Variants in MED12L observed in about 807,000 individuals in gnomAD.
MED12L encodes the protein mediator of RNA polymerase II transcription subunit 12-like protein.
In MED12L, 60 loss-of-function variants were observed where a neutral mutation model predicts 281.3. The ratio of observed to expected loss-of-function variants is 0.21; its 90% CI spans 0.17 to 0.26. The LOEUF is 0.26. Ranked by LOEUF, MED12L falls within the 10% of genes least tolerant of loss-of-function variation. The pLI is 1.00. For synonymous variants in MED12L, 974 were observed against 987.2 expected (o/e 0.99, Z 0.25); for missense variants, 2,146 against 2,680.9 (o/e 0.80, Z 4.41).
chr3:151,424,798 C>T (rs1035901752), intron 43 of MED12L, among the ~76,000 whole-genome samples: 1 of 152,146 alleles, frequency 6.6e-6, no homozygotes, highest in Non-Finnish European at 1.5e-5. Context: ...CAACCCTATA[C>T]GTTGTTGTTC....
rs1225603820 is a variant in MED12L, at chr3:151,434,348, C to G, written c.*1544C>G. ...AAAGTTTGACTCATGCAAATGACCTCAAATACATGTCAGCTTACTTTGCTG... is the reference window on the plus strand; with the variant it reads ...AAAGTTTGACTCATGCAAATGACCTGAAATACATGTCAGCTTACTTTGCTG... On this transcript the variant is annotated 3_prime_UTR_variant, in exon 45 of 45. Coordinates refer to ENST00000687756, the MANE Select transcript of MED12L (RefSeq NM_001393769.1). The G allele has an allele frequency of 6.6e-6, 1 of 152,138 alleles. No individual in the cohort carries two copies. The highest frequency in any genetic ancestry group is 1.5e-5 in the Non-Finnish European group (1 of 68,028). The allele number at this position is 152,138 out of a possible 1,614,324, so 9.4% of individuals were successfully genotyped here.
chr3:151,244,472 A>G (rs1734913575), intron 16 of MED12L, among the ~76,000 whole-genome samples: 4 of 146,322 alleles, frequency 2.7e-5, no homozygotes, highest in Admixed American at 6.9e-5. Context: ...CTCACTCAAA[A>G]CCACTCAACT....
chr3:151,249,694 G>A (rs988686486), intron 16 of MED12L, among the ~76,000 whole-genome samples: 2 of 152,014 alleles, frequency 1.3e-5, no homozygotes, highest in African/African-American at 2.4e-5. Context: ...ATCATTCTTC[G>A]TATTACTCCT....
chr3:151,242,567 C>G (rs551649021), intron 16 of MED12L, among the ~76,000 whole-genome samples: 59 of 151,706 alleles, frequency 3.9e-4, no homozygotes, highest in South Asian at 1.7e-3. Context: ...CTGTCTGTTA[C>G]AAGGAAAACT....
intron 22 of MED12L, 65 bp downstream of exon 22, chr3:151,365,271 A>C: frequency 4.5e-6 from 6 of 1,347,118 alleles, no homozygotes; most frequent in Non-Finnish European, 6.4e-6. Flanking sequence ...CTTCTTTGAA[A>C]TTGATGTCGT....
chr3:151,200,121 G>A (rs1017299125), intron 16 of MED12L, among the ~76,000 whole-genome samples: 13 of 144,334 alleles, frequency 9.0e-5, no homozygotes, highest in Non-Finnish European at 1.7e-4. Flanking sequence ...TTCTTTCATT[G>A]TGGGTTTTGA....
intron 38 of MED12L, 136 bp from the exon 39 acceptor site, chr3:151,394,520 C>A: frequency 2.3e-6 from 3 of 1,308,996 alleles, no homozygotes; most frequent in Non-Finnish European, 3.1e-6. Flanking sequence ...ATATTTGTGG[C>A]AGGTGGGACA....
chr3:151,171,549 C>T (rs1721432532), intron 11 of MED12L, among the ~76,000 whole-genome samples: 1 of 152,166 alleles, frequency 6.6e-6, no homozygotes, highest in African/African-American at 2.4e-5. Flanking sequence ...TGTGTGTTTC[C>T]TCCTTCCCTG....
intron 16 of MED12L, among the ~76,000 whole-genome samples, chr3:151,277,260 T>C (rs1195356276): frequency 6.6e-6 from 1 of 152,008 alleles, no homozygotes; most frequent in East Asian, 1.9e-4. Flanking sequence ...TATATACCAA[T>C]GTGTTAATTG....
intron 16 of MED12L, among the ~76,000 whole-genome samples, chr3:151,251,997 CTG>C (rs1306123260): frequency 6.6e-6 from 1 of 152,106 alleles, no homozygotes; most frequent in East Asian, 1.9e-4. Context: ...TATTACATAA[CTG>C]TGTAATTTGT....
chr3:151,139,578 C>T (rs1376268011), intron 5 of MED12L, among the ~76,000 whole-genome samples: 1 of 152,164 alleles, frequency 6.6e-6, no homozygotes, highest in Non-Finnish European at 1.5e-5. Flanking sequence ...ATAGTATTAA[C>T]ATGGACTAGA....
At position 151,350,166 on chromosome 3, in the gene MED12L, C is replaced by T. The variant is rs569897717; in HGVS notation, c.2358C>T (p.Ile786=). Residue 786 remains isoleucine, a synonymous_variant, in exon 17 of 45, where the codon ATC becomes ATT. Coordinates refer to ENST00000687756, the MANE Select transcript of MED12L (RefSeq NM_001393769.1). ...RHQLKKITKD[I]LKILNKKSTT... ...AGCTGAAGAAGATTACCAAAGATAT[C>T]CTGAAAATTCTAAATAAGAAGAGCA... 7 of 1,613,596 alleles carry T rather than the reference C, an allele frequency of 4.3e-6. No homozygotes were observed. Among genetic ancestry groups the T allele is most frequent in the Non-Finnish European group, 5.9e-6 (7 of 1,179,736 alleles).
chr3:151,296,513 T>G (rs1745111165), intron 16 of MED12L, among the ~76,000 whole-genome samples: 2 of 152,274 alleles, frequency 1.3e-5, no homozygotes, highest in South Asian at 4.1e-4. Context: ...GGACTTTGGC[T>G]GGAGGAGTAC....
chr3:151,166,033 TTTC>T, intron 11 of MED12L, 51 bp downstream of exon 11: 3 of 1,509,014 alleles, frequency 2.0e-6, no homozygotes, highest in Non-Finnish European at 2.7e-6. Flanking sequence ...ATAGTGTTTT[TTTC>T]TTCTTTCTCA....
At chr3:151,161,038 A>G (rs547748552) in intron 8 of MED12L, among the ~76,000 whole-genome samples, 1 of 152,350 alleles carries the variant, frequency 6.6e-6, no homozygotes, top group African/African-American at 2.4e-5. Flanking sequence ...GTTGGGGGTC[A>G]GGGCATAGAA....
At position 151,379,429 on chromosome 3, in the gene MED12L, T is replaced by C. The variant is rs184643305; in HGVS notation, c.4479-684T>C. ...ATATGATTTGTTGATTATTCTCTAA[T>C]TGAAGACATTTTGTTAAAATGCCAA... is the stretch of plus-strand genomic sequence containing the variant. On this transcript the variant is annotated intron_variant, in intron 31 of 44. Coordinates refer to ENST00000687756, the MANE Select transcript of MED12L (RefSeq NM_001393769.1). Among the ~76,000 whole-genome samples the C allele has an allele frequency of 3.5e-4, 53 of 152,374 alleles. 1 individual carries two copies. The highest frequency in any genetic ancestry group is 1.2e-3 in the African/African-American group (49 of 41,584).
chr3:151,198,921 CTT>C, intron 16 of MED12L: 1 of 1,614,006 alleles, frequency 6.2e-7, no homozygotes, highest in South Asian at 1.1e-5. Context: ...TCCTTGATGT[CTT>C]TGATGGGAAT....
chr3:151,222,641 T>TA (rs1729596716), intron 16 of MED12L, among the ~76,000 whole-genome samples: 1 of 152,236 alleles, frequency 6.6e-6, no homozygotes, highest in South Asian at 2.1e-4. Context: ...TGTGAAACTA[T>TA]AAGTCCAGTA....
chr3:151,201,247 A>C (rs867899298), intron 16 of MED12L, among the ~76,000 whole-genome samples: 1 of 150,504 alleles, frequency 6.6e-6, no homozygotes, highest in African/African-American at 2.5e-5. Flanking sequence ...TCTCTCTCTC[A>C]CACGCACATT....
Sources: allele counts gnomAD v4.1 joint callset (sites outside exome capture counted in the v4.1 genomes callset), GRCh38; gene constraint gnomAD v4.1.1; transcripts MANE v1.5; gene names NCBI Gene and HGNC (gene_info 2026-07-23, HGNC 2026-07-21).